Variants in PPHLN1 observed in about 807,000 individuals in gnomAD.
PPHLN1 encodes periphilin 1, also known as periphilin-1.
PPHLN1 carries 29 observed loss-of-function variants against 51.3 expected under a neutral mutation model. That is an observed-to-expected ratio of 0.57 (90% confidence interval 0.42 to 0.77). The LOEUF (loss-of-function observed/expected upper bound fraction) is 0.77. PPHLN1 is among the 30% of genes least tolerant of loss of function. The pLI is 0.00. For synonymous variants in PPHLN1, 147 were observed against 147.8 expected, an observed-to-expected ratio of 0.99 and a Z score of 0.04; for missense variants, 436 against 438.4, an observed-to-expected ratio of 0.99 and a Z score of 0.05.
chr12:42,335,941 G>A lies in PPHLN1; in HGVS notation c.39G>A (p.Pro13=), dbSNP rs145526792. Residue 13 remains proline, a synonymous_variant, in exon 2 of 10, where the codon CCG becomes CCA. Transcript: ENST00000358314. ...SEGRYEYERI[P]RERAPPRSHP... The stretch of plus-strand genomic sequence containing the variant: ...GACGATATGAATATGAAAGAATTCC[G>A]AGAGAACGAGCACCTCCTCGAAGTC... 12 of 1,586,656 alleles carry A rather than the reference G, an allele frequency of 7.6e-6. No homozygotes were observed. Among genetic ancestry groups the A allele is most frequent in the East Asian group, 4.6e-5 (2 of 43,388 alleles).
At chr12:42,403,836 T>G (rs74079127) in intron 9 of PPHLN1, among the ~76,000 whole-genome samples, 3,226 of 152,326 alleles carry the variant, frequency 0.021, 123 homozygotes, top group African/African-American at 0.074. Context: ...TTCTTACCTC[T>G]TCTCCTCATC....
intron 4 of PPHLN1, among the ~76,000 whole-genome samples, chr12:42,364,201 G>A (rs113408653): frequency 0.01 from 1,587 of 152,244 alleles, 21 homozygotes; most frequent in African/African-American, 0.036. Flanking sequence ...TCCAGCTTGG[G>A]CAACAAGAGC....
chr12:42,399,239 TA>T lies in PPHLN1; in HGVS notation c.909+246del, dbSNP rs2078569903. On this transcript the variant is annotated intron_variant, in intron 9 of 9. Transcript: ENST00000358314. The stretch of plus-strand genomic sequence containing the variant: ...TTTTACAGAATATTAATATTCTAGT[TA>T]GTATGAAGCAATTAAAAATTATTAA... 8.3e-6 allele frequency: 9 copies of T among 1,079,218 alleles called. No individual in the cohort carries two copies. The South Asian group carries it at 3.3e-4, about 40-fold the overall frequency. The allele number at this position is 1,079,218 out of a possible 1,614,324, so 66.9% of individuals were successfully genotyped here. A position where few individuals can be genotyped will look rare whatever the true frequency, so the allele number is the denominator to read the frequency against.
At chr12:42,423,150 A>G (rs2081147313) in intron 9 of PPHLN1, among the ~76,000 whole-genome samples, 1 of 152,186 alleles carries the variant, frequency 6.6e-6, no homozygotes, top group South Asian at 2.1e-4. Flanking sequence ...TGTATTGCCA[A>G]CTGGACAAAT....
rs185408592 is a variant in PPHLN1 at position 42,423,268 on chromosome 12, A to G, written c.910-18047A>G. On this transcript the variant is annotated intron_variant, in intron 9 of 9. Transcript: ENST00000358314. Reference sequence around the variant, plus strand: ...AAATATGGACTTCCATTTATATATAATAGTATTTATGGATTTTCCCCACTG... The same window carrying G: ...AAATATGGACTTCCATTTATATATAGTAGTATTTATGGATTTTCCCCACTG... Among the ~76,000 whole-genome samples the G allele has an allele frequency of 9.2e-5, 14 of 152,304 alleles. No individual in the cohort carries two copies. In the East Asian group the frequency reaches 2.7e-3, roughly 29 times the overall value.
intron 5 of PPHLN1, 136 bp from the exon 6 acceptor site, chr12:42,384,804 G>T: frequency 1.4e-6 from 1 of 694,488 alleles, no homozygotes. Context: ...TTGAAAGTAG[G>T]GTAGGAAAGA....
intron 2 of PPHLN1, among the ~76,000 whole-genome samples, chr12:42,342,638 A>G (rs1463645356): frequency 6.6e-6 from 1 of 152,234 alleles, no homozygotes; most frequent in Non-Finnish European, 1.5e-5. Flanking sequence ...AGCAGTTTAT[A>G]TTCTGGGCAA....
chr12:42,332,680 AT>A, intron 1 of PPHLN1: 7 of 1,575,980 alleles, frequency 4.4e-6, no homozygotes, highest in Non-Finnish European at 6.1e-6. Flanking sequence ...AAAACGTTAA[AT>A]TTGATTCCTA....
chr12:42,383,130 TA>T (rs1373505543), intron 5 of PPHLN1, among the ~76,000 whole-genome samples: 1 of 152,252 alleles, frequency 6.6e-6, no homozygotes, highest in Non-Finnish European at 1.5e-5. Context: ...TCTGTAATTA[TA>T]TGTGGTAATA....
At chr12:42,441,208 G>A (rs2082924232) in intron 9 of PPHLN1, 107 bp from the exon 10 acceptor site, 1 of 1,389,838 alleles carries the variant, frequency 7.2e-7, no homozygotes, top group African/African-American at 1.5e-5. Flanking sequence ...TTTCTTTTTT[G>A]TGTCTCTCTT....
At chr12:42,350,857 G>A (rs2073238526) in intron 2 of PPHLN1, among the ~76,000 whole-genome samples, 1 of 152,038 alleles carries the variant, frequency 6.6e-6, no homozygotes, top group South Asian at 2.1e-4. Flanking sequence ...CCAGGCACTC[G>A]GCAGGCTGAG....
At chr12:42,327,283 A>G (rs2068943639) in intron 1 of PPHLN1, among the ~76,000 whole-genome samples, 1 of 152,152 alleles carries the variant, frequency 6.6e-6, no homozygotes, top group African/African-American at 2.4e-5. Flanking sequence ...AAACTATTTT[A>G]CATATTCAAC....
chr12:42,404,399 G>A (rs527725314), intron 9 of PPHLN1, among the ~76,000 whole-genome samples: 1 of 152,152 alleles, frequency 6.6e-6, no homozygotes, highest in South Asian at 2.1e-4. Flanking sequence ...CATGGTGGTG[G>A]GTGCCTATAA....
chr12:42,385,541 C>G (rs1157724029), intron 6 of PPHLN1, among the ~76,000 whole-genome samples: 1 of 152,192 alleles, frequency 6.6e-6, no homozygotes, highest in East Asian at 1.9e-4. Context: ...AAAGGAAACA[C>G]TAAGCAAAAG....
chr12:42,342,285 T>C (rs1368553684), intron 2 of PPHLN1, among the ~76,000 whole-genome samples: 1 of 152,212 alleles, frequency 6.6e-6, no homozygotes, highest in East Asian at 1.9e-4. Flanking sequence ...ACACAGGGTC[T>C]TGCTATGTCA....
chr12:42,411,923 A>AAAAAG (rs1424836657), intron 9 of PPHLN1, among the ~76,000 whole-genome samples: 2 of 116,606 alleles, frequency 1.7e-5, no homozygotes, highest in Non-Finnish European at 3.5e-5. Context: ...AAAAAAAAAA[A>AAAAAG]GGGCTGGGCG....
intron 1 of PPHLN1, among the ~76,000 whole-genome samples, chr12:42,334,270 A>G (rs1419774759): frequency 6.6e-6 from 1 of 152,194 alleles, no homozygotes; most frequent in Non-Finnish European, 1.5e-5. Flanking sequence ...TTCATGCATA[A>G]TGTTAAAAGC....
intron 3 of PPHLN1, among the ~76,000 whole-genome samples, chr12:42,352,653 G>T (rs1417393639): frequency 6.6e-6 from 1 of 151,758 alleles, no homozygotes; most frequent in African/African-American, 2.4e-5. Flanking sequence ...CAAGTGGGAG[G>T]TCACTTGATG....
chr12:42,410,265 T>C (rs753574233), intron 9 of PPHLN1, among the ~76,000 whole-genome samples: 2 of 152,132 alleles, frequency 1.3e-5, no homozygotes, highest in Non-Finnish European at 2.9e-5. Context: ...TAATGTTAAA[T>C]TGACTTTTTA....
Sources: allele counts gnomAD v4.1 joint callset (sites outside exome capture counted in the v4.1 genomes callset), GRCh38; gene constraint gnomAD v4.1.1; transcripts MANE v1.5; gene names NCBI Gene and HGNC (gene_info 2026-07-23, HGNC 2026-07-21).